Variants in GALNT13 observed in about 807,000 individuals in gnomAD.
The protein encoded by GALNT13 is polypeptide N-acetylgalactosaminyltransferase 13, also known as UDP-GalNAc:polypeptide N-acetylgalactosaminyltransferase 13.
A neutral mutation model predicts 64.2 loss-of-function variants in GALNT13; 28 were observed. The observed-to-expected ratio is 0.44, with a 90% confidence interval of 0.32 to 0.60. The LOEUF (loss-of-function observed/expected upper bound fraction) is 0.60, where lower values mean the gene tolerates loss of function less well. GALNT13 is among the 20% of genes least tolerant of loss of function. GALNT13 has a pLI of 0.05. For synonymous variants in GALNT13, 214 were observed against 224.6 expected (o/e 0.95, Z 0.42); for missense variants, 577 against 669.8 (o/e 0.86, Z 1.53).
intron 3 of GALNT13, among the ~76,000 whole-genome samples, chr2:154,108,688 T>C (rs1558961898): frequency 1.3e-5 from 1 of 77,440 alleles, no homozygotes; most frequent in African/African-American, 9.5e-5. Flanking sequence ...TATTCCGTGA[T>C]TTTTTTTTCT....
chr2:154,427,294 C>T (rs1700514309), intron 11 of GALNT13, among the ~76,000 whole-genome samples: 1 of 152,200 alleles, frequency 6.6e-6, no homozygotes, highest in Admixed American at 6.5e-5. Flanking sequence ...CCCATTGTTG[C>T]AGTATTGTCC....
the GALNT13 span, among the ~76,000 whole-genome samples, chr2:153,407,049 A>G: frequency 1.3e-5 from 2 of 152,198 alleles, no homozygotes; most frequent in African/African-American, 4.8e-5. Context: ...ATATATAAAG[A>G]TTATTCCAAA....
At position 154,301,418 on chromosome 2, in the gene GALNT13, T is replaced by C. The variant is rs1229154422; in HGVS notation, c.985T>C (p.Cys329Arg). 2.5e-6 allele frequency: 4 copies of C among 1,611,548 alleles called. No homozygotes were observed. Among genetic ancestry groups the C allele is most frequent in the Non-Finnish European group, 2.5e-6 (3 of 1,178,454 alleles). ...NLEMSFRIWQ[C>R]GGSLEIVTCS... The stretch of plus-strand genomic sequence containing the variant: ...TTGTTCCTTTTCCCAGATTTGGCAA[T>C]GTGGAGGCTCCTTGGAGATTGTTAC... The change falls in exon 9 of 13, where the codon TGT (cysteine) becomes CGT (arginine). Residue 329 changes from cysteine (C) to arginine (R), a missense_variant. By Grantham distance (180) the Cys-to-Arg change is radical (BLOSUM62 -3). Transcript: ENST00000392825.
chr2:153,404,347 A>G, the GALNT13 span, among the ~76,000 whole-genome samples: 6 of 152,212 alleles, frequency 3.9e-5, no homozygotes, highest in Non-Finnish European at 8.8e-5. Flanking sequence ...TGAATCAGAA[A>G]TCTTAATAAC....
At chr2:154,344,659 T>G (rs957348833) in intron 9 of GALNT13, among the ~76,000 whole-genome samples, 6 of 151,932 alleles carry the variant, frequency 3.9e-5, no homozygotes, top group Non-Finnish European at 5.9e-5. Flanking sequence ...CTTATTCTAG[T>G]TTTTGTTCCC....
the GALNT13 span, among the ~76,000 whole-genome samples, chr2:153,785,086 G>T: frequency 6.6e-6 from 1 of 152,056 alleles, no homozygotes; most frequent in Non-Finnish European, 1.5e-5. Context: ...AACCACCTTG[G>T]AATGGAGCTC....
chr2:153,737,714 A>G, the GALNT13 span, among the ~76,000 whole-genome samples: 1 of 152,080 alleles, frequency 6.6e-6, no homozygotes. Flanking sequence ...AGAGTTTAGC[A>G]TAGTGTTTAA....
the GALNT13 span, among the ~76,000 whole-genome samples, chr2:153,145,209 T>C: frequency 2.6e-5 from 4 of 151,896 alleles, no homozygotes; most frequent in Non-Finnish European, 4.4e-5. Flanking sequence ...TTCAGTTTCT[T>C]ACATAGCAAT....
chr2:153,697,160 C>T, the GALNT13 span, among the ~76,000 whole-genome samples: 1 of 152,106 alleles, frequency 6.6e-6, no homozygotes, highest in Non-Finnish European at 1.5e-5. Flanking sequence ...TTATTAATAC[C>T]ACAGTGGCTG....
At chr2:153,765,123 C>A in the GALNT13 span, among the ~76,000 whole-genome samples, 1 of 152,236 alleles carries the variant, frequency 6.6e-6, no homozygotes, top group Non-Finnish European at 1.5e-5. Context: ...AGCCCCCACA[C>A]AGGGTCCCCA....
intron 3 of GALNT13, among the ~76,000 whole-genome samples, chr2:153,980,301 G>T (rs2105155530): frequency 6.6e-6 from 1 of 152,232 alleles, no homozygotes; most frequent in African/African-American, 2.4e-5. Context: ...GGTCAGATAT[G>T]CACTAAAAAG....
At chr2:154,199,120 TG>T (rs925329770) in intron 4 of GALNT13, among the ~76,000 whole-genome samples, 3 of 151,328 alleles carry the variant, frequency 2.0e-5, no homozygotes, top group South Asian at 2.1e-4. Flanking sequence ...TAATTTCTTC[TG>T]TTTTTTTTTA....
intron 9 of GALNT13, among the ~76,000 whole-genome samples, chr2:154,354,195 A>G (rs1052591252): frequency 1.3e-5 from 2 of 152,034 alleles, no homozygotes; most frequent in African/African-American, 4.8e-5. Flanking sequence ...GCATTTTTAT[A>G]TCTTCTTTGG....
the GALNT13 span, among the ~76,000 whole-genome samples, chr2:153,169,432 G>A: frequency 1.3e-5 from 2 of 152,178 alleles, no homozygotes; most frequent in Non-Finnish European, 2.9e-5. Flanking sequence ...ATTGAAATAA[G>A]ATGAAGAATC....
At chr2:153,981,316 A>T (rs1280837251) in intron 3 of GALNT13, among the ~76,000 whole-genome samples, 1 of 152,080 alleles carries the variant, frequency 6.6e-6, no homozygotes, top group African/African-American at 2.4e-5. Flanking sequence ...TGCTGCACCC[A>T]TTAACTCGTC....
intron 12 of GALNT13, among the ~76,000 whole-genome samples, chr2:154,448,572 T>A (rs1358765353): frequency 1.3e-5 from 2 of 152,082 alleles, no homozygotes; most frequent in Non-Finnish European, 2.9e-5. Context: ...TGTTTGTCTC[T>A]GCAGCAGTGG....
intron 10 of GALNT13, among the ~76,000 whole-genome samples, chr2:154,398,667 C>T (rs1391144994): frequency 6.6e-6 from 1 of 152,148 alleles, no homozygotes; most frequent in Non-Finnish European, 1.5e-5. Context: ...GGGTTCAAAT[C>T]CTAGCCTTAC....
chr2:153,284,862 T>C, the GALNT13 span, among the ~76,000 whole-genome samples: 1 of 152,076 alleles, frequency 6.6e-6, no homozygotes, highest in Non-Finnish European at 1.5e-5. Flanking sequence ...GCTCCTAATC[T>C]GCCATCTTGG....
the GALNT13 span, among the ~76,000 whole-genome samples, chr2:153,530,959 T>G: frequency 6.6e-6 from 1 of 152,104 alleles, no homozygotes; most frequent in Non-Finnish European, 1.5e-5. Context: ...TTGGAGAAAC[T>G]TCAGGACATT....
Sources: allele counts gnomAD v4.1 joint callset (sites outside exome capture counted in the v4.1 genomes callset), GRCh38; gene constraint gnomAD v4.1.1; transcripts MANE v1.5; gene names NCBI Gene and HGNC (gene_info 2026-07-23, HGNC 2026-07-21).